Variants in OPCML observed in about 807,000 individuals in gnomAD.
OPCML encodes the protein opioid-binding protein/cell adhesion molecule.
A neutral mutation model predicts 37.8 loss-of-function variants in OPCML; 13 were observed. The observed-to-expected ratio is 0.34, with a 90% CI of 0.22 to 0.55. The LOEUF is 0.55. Ranked by LOEUF, OPCML falls within the 20% of genes least tolerant of loss-of-function variation. The pLI is 0.91. For synonymous variants in OPCML, 176 were observed against 168.8 expected, an observed-to-expected ratio of 1.04 and a Z score of -0.33; for missense variants, 341 against 435.6, an observed-to-expected ratio of 0.78 and a Z score of 1.93.
chr11:133,083,475 G>A (rs1948772767), intron 1 of OPCML, among the ~76,000 whole-genome samples: 1 of 152,212 alleles, frequency 6.6e-6, no homozygotes, highest in African/African-American at 2.4e-5. Flanking sequence ...CCAGAGAGGG[G>A]CCAGGCAGGG....
chr11:132,769,671 G>A (rs1238023030), intron 2 of OPCML, among the ~76,000 whole-genome samples: 1 of 152,178 alleles, frequency 6.6e-6, no homozygotes, highest in Admixed American at 6.5e-5. Flanking sequence ...TAAAGGCGGG[G>A]TGGAAAGAAG....
chr11:132,927,323 A>T (rs1945029208), intron 2 of OPCML, among the ~76,000 whole-genome samples: 1 of 152,274 alleles, frequency 6.6e-6, no homozygotes, highest in Middle Eastern at 3.4e-3. Flanking sequence ...ATCATTTACA[A>T]AAGATTCTCA....
intron 3 of OPCML, among the ~76,000 whole-genome samples, chr11:132,635,230 A>G (rs1189050355): frequency 6.6e-6 from 1 of 152,300 alleles, no homozygotes; most frequent in South Asian, 2.1e-4. Flanking sequence ...ACTATGGAGT[A>G]TGCTTACTTT....
intron 1 of OPCML, among the ~76,000 whole-genome samples, chr11:133,053,517 C>T (rs553983319): frequency 6.6e-5 from 10 of 152,134 alleles, no homozygotes; most frequent in South Asian, 4.2e-4. Context: ...TCCCATTTTG[C>T]GATTGAAATT....
At chr11:132,595,690 T>C (rs1050558649) in intron 3 of OPCML, among the ~76,000 whole-genome samples, 1 of 152,158 alleles carries the variant, frequency 6.6e-6, no homozygotes, top group African/African-American at 2.4e-5. Flanking sequence ...TTTCCGTCCA[T>C]GACATTTAAA....
chr11:133,003,826 C>T (rs568665123), intron 1 of OPCML: 111 of 985,388 alleles, frequency 1.1e-4, no homozygotes, highest in East Asian at 2.3e-4. Flanking sequence ...CTCCAAACAG[C>T]GGATAAATGA....
At chr11:133,077,748 AAAAAG>A (rs1948646221) in intron 1 of OPCML, among the ~76,000 whole-genome samples, 1 of 152,220 alleles carries the variant, frequency 6.6e-6, no homozygotes, top group African/African-American at 2.4e-5. Flanking sequence ...AATCAATAAG[AAAAAG>A]AAAAGACTCC....
chr11:132,529,261 T>A, intron 3 of OPCML, 75 bp from the exon 4 acceptor site: 1 of 1,500,148 alleles, frequency 6.7e-7, no homozygotes, highest in Non-Finnish European at 8.9e-7. Context: ...GCCTACAAAT[T>A]TTTGTATAGC....
At chr11:132,657,565 C>T (rs1057084921) in intron 2 of OPCML, 1 of 382,298 alleles carries the variant, frequency 2.6e-6, no homozygotes. Flanking sequence ...TGTATCTTTG[C>T]CATCCATTTG....
intron 1 of OPCML, chr11:133,009,144 A>G (rs906792017): frequency 1.3e-5 from 13 of 985,244 alleles, no homozygotes; most frequent in Non-Finnish European, 1.6e-5. Context: ...GATTTAGATT[A>G]GGATTTATTT....
intron 3 of OPCML, among the ~76,000 whole-genome samples, chr11:132,537,586 C>T (rs1284394246): frequency 6.6e-6 from 1 of 152,170 alleles, no homozygotes; most frequent in African/African-American, 2.4e-5. Context: ...AACCGGACTT[C>T]ATTCAAATTA....
At chr11:133,016,467 C>A (rs1187706964) in intron 1 of OPCML, among the ~76,000 whole-genome samples, 1 of 152,222 alleles carries the variant, frequency 6.6e-6, no homozygotes, top group South Asian at 2.1e-4. Context: ...TACTTTGACT[C>A]TCTTTGATGT....
intron 1 of OPCML, among the ~76,000 whole-genome samples, chr11:133,255,946 T>G (rs892804218): frequency 1.3e-5 from 2 of 152,254 alleles, no homozygotes; most frequent in African/African-American, 4.8e-5. Flanking sequence ...ATTCATTCTT[T>G]TTAAAGACTA....
rs374031587 is a variant in OPCML at position 132,460,108 on chromosome 11, A to G, written c.506-22749T>C. ...AAACATTGTACTTTGTGCTTTGGGC[A>G]TACTGCTATTTCATCTCACAGAATG... is the stretch of plus-strand genomic sequence containing the variant. On this transcript the variant is annotated intron_variant, in intron 4 of 7. Coordinates refer to ENST00000524381, the MANE Select transcript of OPCML (RefSeq NM_001012393.5). Among the ~76,000 whole-genome samples the G allele has an allele frequency of 1.3e-3, 203 of 152,318 alleles. 1 individual carries two copies. The highest frequency in any genetic ancestry group is 4.5e-3 in the African/African-American group (187 of 41,576).
At chr11:133,256,227 A>G (rs1941309133) in intron 1 of OPCML, among the ~76,000 whole-genome samples, 1 of 152,226 alleles carries the variant, frequency 6.6e-6, no homozygotes, top group Non-Finnish European at 1.5e-5. Flanking sequence ...GCAAGGATTG[A>G]TGAACCCAAC....
intron 4 of OPCML, among the ~76,000 whole-genome samples, chr11:132,503,435 C>T (rs1189490374): frequency 6.6e-6 from 1 of 152,050 alleles, no homozygotes; most frequent in East Asian, 1.9e-4. Flanking sequence ...TTTCCTGTCC[C>T]CACTATTGCA....
chr11:132,868,872 G>A (rs146864579), intron 2 of OPCML, among the ~76,000 whole-genome samples: 102 of 152,292 alleles, frequency 6.7e-4, no homozygotes, highest in Admixed American at 2.5e-3. Context: ...ATGCACAAGT[G>A]TGTGTGCTTG....
intron 2 of OPCML, among the ~76,000 whole-genome samples, chr11:132,822,773 G>C (rs1410205469): frequency 6.6e-6 from 1 of 152,188 alleles, no homozygotes. Flanking sequence ...GTTGTAACCT[G>C]AGGAGCAGCT....
chr11:133,481,443 AAAAAT>A (rs887218160), intron 1 of OPCML, among the ~76,000 whole-genome samples: 1 of 150,090 alleles, frequency 6.7e-6, no homozygotes, highest in African/African-American at 2.5e-5. Context: ...CCCCAGTTAA[AAAAAT>A]AAATAAATAA....
Sources: gnomAD v4.1 joint callset for allele counts (sites outside exome capture counted in the v4.1 genomes callset) on GRCh38, gnomAD v4.1.1 for gene constraint, MANE v1.5 for transcripts, NCBI Gene and HGNC (gene_info 2026-07-23, HGNC 2026-07-21) for gene names.